SLCO2B1: variants seen among roughly 807,000 people sequenced by gnomAD.
The protein encoded by SLCO2B1 is OATP-RP2.
Under a neutral mutation model 67.3 loss-of-function variants are expected in SLCO2B1, and 41 were observed. The ratio of observed to expected loss-of-function variants is 0.61; its 90% CI spans 0.47 to 0.79. The LOEUF is 0.79. Ranked by LOEUF, SLCO2B1 falls within the 30% of genes least tolerant of loss-of-function variation. SLCO2B1 has a pLI of 0.00. For missense variants in SLCO2B1, 837 were observed against 920.1 expected (o/e 0.91, Z 1.17); for synonymous variants, 379 against 381.4 (o/e 0.99, Z 0.07).
At chr11:75,175,590 C>T (rs1950013449) in intron 7 of SLCO2B1, among the ~76,000 whole-genome samples, 1 of 151,776 alleles carries the variant, frequency 6.6e-6, no homozygotes, top group Non-Finnish European at 1.5e-5. Context: ...ATTATGTGCC[C>T]CCGAGAAGGT....
At chr11:75,178,742 T>C (rs1241584179) in intron 7 of SLCO2B1, among the ~76,000 whole-genome samples, 3 of 152,246 alleles carry the variant, frequency 2.0e-5, no homozygotes, top group African/African-American at 7.2e-5. Context: ...CCTGAACTTA[T>C]TTCTCCTGTC....
At chr11:75,168,962 T>G (rs561397690) in intron 4 of SLCO2B1, among the ~76,000 whole-genome samples, 3 of 152,232 alleles carry the variant, frequency 2.0e-5, no homozygotes, top group African/African-American at 7.2e-5. Flanking sequence ...CCTCCTGAGT[T>G]CCAATCCTGG....
At chr11:75,191,933 C>T (rs1253694169) in intron 8 of SLCO2B1, among the ~76,000 whole-genome samples, 1 of 152,186 alleles carries the variant, frequency 6.6e-6, no homozygotes, top group Non-Finnish European at 1.5e-5. Flanking sequence ...TTTGGTTTAG[C>T]AGACTTGCAG....
At chr11:75,194,193 T>C (rs946491966) in intron 9 of SLCO2B1, among the ~76,000 whole-genome samples, 1 of 152,232 alleles carries the variant, frequency 6.6e-6, no homozygotes, top group African/African-American at 2.4e-5. Context: ...AGCACCTGCC[T>C]CTGCCCTCCG....
At chr11:75,176,177 C>T (rs1408109344) in intron 7 of SLCO2B1, among the ~76,000 whole-genome samples, 1 of 152,188 alleles carries the variant, frequency 6.6e-6, no homozygotes, top group Non-Finnish European at 1.5e-5. Context: ...CTCTTGAGGG[C>T]TCCCTGACAG....
At position 75,172,379 on chromosome 11, in the gene SLCO2B1, G is replaced by A. The variant is rs368772615; in HGVS notation, c.782G>A (p.Gly261Asp). 6.2e-7 allele frequency: 1 copy of A among 1,611,076 alleles called. No homozygotes were observed. Among genetic ancestry groups the A allele is most frequent in the Non-Finnish European group, 8.5e-7 (1 of 1,178,214 alleles). ...ATGTCACCATGCTCTTCTCTTCCAG[G>A]TGGTATCAGCCTGACCATAAAGGAC... Reference protein sequence around the residue: ...LYVDINQMPEGGISLTIKDPR... With the variant: ...LYVDINQMPEDGISLTIKDPR... The change falls in exon 7 of 14, where the codon GGT becomes GAT. Residue 261 changes from glycine to aspartate, a missense_variant and splice_region_variant. Transcript: ENST00000289575.
intron 7 of SLCO2B1, among the ~76,000 whole-genome samples, chr11:75,175,995 C>T (rs1612859): frequency 0.64 from 96,761 of 151,962 alleles, 31,187 homozygotes; most frequent in Non-Finnish European, 0.67. Flanking sequence ...CCTGTATCTG[C>T]GGCCTCAGAG....
At chr11:75,178,094 A>C (rs1233247947) in intron 7 of SLCO2B1, among the ~76,000 whole-genome samples, 1 of 108,014 alleles carries the variant, frequency 9.3e-6, no homozygotes, top group East Asian at 5.8e-4. Flanking sequence ...ATTCCATCTC[A>C]AAAAAAAAAA....
chr11:75,153,434 C>A (rs1440465311), intron 1 of SLCO2B1, among the ~76,000 whole-genome samples: 2 of 152,170 alleles, frequency 1.3e-5, no homozygotes, highest in Non-Finnish European at 2.9e-5. Flanking sequence ...AATGTCCTTC[C>A]CCTTTTCAAT....
intron 9 of SLCO2B1, among the ~76,000 whole-genome samples, chr11:75,195,022 C>T (rs1031721842): frequency 2.0e-5 from 3 of 152,222 alleles, no homozygotes; most frequent in Admixed American, 2.0e-4. Context: ...TCCCTTCGCT[C>T]AGCGTCTTCC....
intron 1 of SLCO2B1, among the ~76,000 whole-genome samples, chr11:75,158,311 C>G (rs920261742): frequency 6.6e-6 from 1 of 152,194 alleles, no homozygotes; most frequent in Non-Finnish European, 1.5e-5. Flanking sequence ...TTTTAATCAT[C>G]TAGCCTAAAA....
intron 9 of SLCO2B1, among the ~76,000 whole-genome samples, chr11:75,195,603 T>C (rs935934796): frequency 6.6e-6 from 1 of 152,100 alleles, no homozygotes; most frequent in Non-Finnish European, 1.5e-5. Flanking sequence ...GGAACTGACA[T>C]TTCACTAAGC....
chr11:75,198,214 ACTC>A (rs1945130156), intron 10 of SLCO2B1, among the ~76,000 whole-genome samples: 1 of 152,100 alleles, frequency 6.6e-6, no homozygotes, highest in Non-Finnish European at 1.5e-5. Context: ...GGAGCAGTGA[ACTC>A]CTGTGGATAT....
chr11:75,196,051 G>A (rs1945092609), intron 9 of SLCO2B1, among the ~76,000 whole-genome samples: 4 of 152,222 alleles, frequency 2.6e-5, no homozygotes, highest in Admixed American at 2.0e-4. Flanking sequence ...GGCCATGACA[G>A]GCAGAGAAAC....
chr11:75,201,346 C>G (rs1591839363), intron 11 of SLCO2B1: 1 of 152,316 alleles, frequency 6.6e-6, no homozygotes, highest in South Asian at 2.1e-4. Flanking sequence ...TTTCTATTCT[C>G]TCACTCAACA....
intron 4 of SLCO2B1, among the ~76,000 whole-genome samples, chr11:75,167,409 C>T (rs1047274460): frequency 1.3e-5 from 2 of 152,146 alleles, no homozygotes; most frequent in Non-Finnish European, 2.9e-5. Context: ...CATACAAACC[C>T]CTCTGCAATA....
At position 75,164,001 on chromosome 11, in the gene SLCO2B1, G is replaced by A. The variant is rs1395002230; in HGVS notation, c.186G>A (p.Gln62=). Residue 62 remains glutamine (Q), a synonymous_variant, in exon 3 of 14, where the codon CAG becomes CAA. Transcript: ENST00000289575. ...VLCHSLLQLA[Q]LMISGYLKSS... ...GCCACAGCCTGCTGCAGCTGGCGCA[G>A]CTCATGATCTCCGGCTACCTAAAGA... The A allele has an allele frequency of 1.9e-6, 3 of 1,605,250 alleles. No individual in the cohort carries two copies. Among genetic ancestry groups the A allele is most frequent in the Non-Finnish European group, 2.6e-6 (3 of 1,176,048 alleles).
chr11:75,202,966 G>A lies in SLCO2B1; in HGVS notation c.1828+1G>A. 1 of 1,613,652 alleles carries A rather than the reference G, an allele frequency of 6.2e-7. No individual in the cohort carries two copies. Among genetic ancestry groups the A allele is most frequent in the Non-Finnish European group, 8.5e-7 (1 of 1,179,702 alleles). ...CAGTTCATGTTCCTGAGGATTTTGGGTAAAGATCTTGCTTGGGACCATTGG... is the reference window on the plus strand; with the variant it reads ...CAGTTCATGTTCCTGAGGATTTTGGATAAAGATCTTGCTTGGGACCATTGG... On this transcript the variant is annotated splice_donor_variant, in intron 12 of 13. Transcript: ENST00000289575. LOFTEE classifies it high-confidence loss of function.
intron 7 of SLCO2B1, among the ~76,000 whole-genome samples, chr11:75,184,839 C>T (rs956892552): frequency 6.6e-6 from 1 of 151,626 alleles, no homozygotes; most frequent in African/African-American, 2.4e-5. Context: ...TCCTCTCATC[C>T]TCAGAGCCTC....
Sources: gnomAD v4.1 joint callset for allele counts (sites outside exome capture counted in the v4.1 genomes callset) on GRCh38, gnomAD v4.1.1 for gene constraint, MANE v1.5 for transcripts, NCBI Gene and HGNC (gene_info 2026-07-23, HGNC 2026-07-21) for gene names.